Variants in FRMPD4 observed in about 807,000 individuals in gnomAD.
FRMPD4 encodes the protein FERM and PDZ domain-containing protein 4.
FRMPD4 carries 22 observed loss-of-function variants against 94.1 expected under a neutral mutation model. The observed-to-expected ratio is 0.23, with a 90% confidence interval of 0.17 to 0.33. The LOEUF is 0.33. Among genes scored for constraint, FRMPD4 ranks in the 10% least tolerant of loss-of-function variants. The pLI is 1.00. For missense variants in FRMPD4, 1,111 were observed against 1,339.9 expected, an observed-to-expected ratio of 0.83 and a Z score of 2.67; for synonymous variants, 631 against 548.6, an observed-to-expected ratio of 1.15 and a Z score of -2.10.
chrX:12,067,879 G>T (rs778166270), intron 3 of FRMPD4, among the ~76,000 whole-genome samples: 17 of 111,866 alleles, frequency 1.5e-4, no homozygotes, highest in African/African-American at 5.5e-4. Context: ...CTGCAGAGGT[G>T]TTCATGTCCT....
intron 1 of FRMPD4, among the ~76,000 whole-genome samples, chrX:12,305,724 A>ATTTT (rs1264959011): frequency 2.3e-5 from 1 of 44,241 alleles, no homozygotes; most frequent in African/African-American, 1.3e-4. Flanking sequence ...CAGCTGGCTA[A>ATTTT]GTTTTTTTTT....
chrX:12,449,672 A>G (rs772083257), intron 1 of FRMPD4, among the ~76,000 whole-genome samples: 2 of 111,582 alleles, frequency 1.8e-5, no homozygotes, highest in African/African-American at 3.3e-5. Context: ...TTTATGTTTC[A>G]CTACTCATGA....
At chrX:12,509,038 A>G (rs1356257919) in intron 2 of FRMPD4, among the ~76,000 whole-genome samples, 1 of 108,151 alleles carries the variant, frequency 9.2e-6, no homozygotes, top group Non-Finnish European at 1.9e-5. Context: ...TTAGTGGGAT[A>G]CACCTTACTC....
chrX:11,851,058 G>T (rs2053618937), intron 1 of FRMPD4, among the ~76,000 whole-genome samples: 1 of 111,652 alleles, frequency 9.0e-6, no homozygotes, highest in African/African-American at 3.3e-5. Flanking sequence ...GACTTACCCT[G>T]CCCCGGTTGA....
chrX:12,468,916 A>G (rs1466636427), intron 1 of FRMPD4, among the ~76,000 whole-genome samples: 1 of 112,490 alleles, frequency 8.9e-6, no homozygotes, highest in East Asian at 2.8e-4. Context: ...TACAGGGCAC[A>G]TTGGATGTGA....
At chrX:12,168,615 A>G (rs927520380) in intron 1 of FRMPD4, among the ~76,000 whole-genome samples, 2 of 99,631 alleles carry the variant, frequency 2.0e-5, no homozygotes, top group South Asian at 4.8e-4. Flanking sequence ...TCTTAAAGAC[A>G]CTGACCCTTT....
intron 1 of FRMPD4, among the ~76,000 whole-genome samples, chrX:12,152,008 G>T (rs1308587602): frequency 9.0e-6 from 1 of 111,463 alleles, no homozygotes; most frequent in Non-Finnish European, 1.9e-5. Context: ...AAAATTGTGG[G>T]CATTCTAGTT....
At chrX:12,669,212 T>G (rs907627283) in intron 4 of FRMPD4, among the ~76,000 whole-genome samples, 10 of 111,588 alleles carry the variant, frequency 9.0e-5, no homozygotes, top group Non-Finnish European at 1.9e-4. Flanking sequence ...GAGATCCACA[T>G]GGCAAGGAAC....
At chrX:12,059,004 AT>A (rs3038292) in intron 3 of FRMPD4, among the ~76,000 whole-genome samples, 42,022 of 110,141 alleles carry the variant, frequency 0.38, 5,980 homozygotes, top group East Asian at 0.58. Context: ...ATTCTATGTC[AT>A]TTTTTTACAC....
rs2054639352 is a variant in FRMPD4, at chrX:12,022,886, A to G, written c.95+144868A>G. On this transcript the variant is annotated intron_variant, in intron 3 of 18. Coordinates refer to the FRMPD4 transcript ENST00000640291. The stretch of plus-strand genomic sequence containing the variant: ...CCAATCCTCCCTCTTTCCCCCTACC[A>G]CACTCAGTCTTGCTGCCACTATCGA... Among the ~76,000 whole-genome samples, 2 of 110,906 alleles carry G rather than the reference A, an allele frequency of 1.8e-5. 1 individual carries two copies. Among genetic ancestry groups the G allele is most frequent in the Admixed American group, 1.9e-4 (2 of 10,445 alleles).
chrX:12,419,132 G>A (rs1200580797), intron 1 of FRMPD4, among the ~76,000 whole-genome samples: 1 of 111,767 alleles, frequency 8.9e-6, no homozygotes, highest in African/African-American at 3.3e-5. Context: ...TGCAGGGAAA[G>A]TAGAATCTAC....
chrX:12,582,947 T>C (rs1368523226), intron 2 of FRMPD4, among the ~76,000 whole-genome samples: 1 of 112,179 alleles, frequency 8.9e-6, no homozygotes, highest in Non-Finnish European at 1.9e-5. Flanking sequence ...AAGTCACTCA[T>C]TGCTCTTCCT....
chrX:12,250,807 C>T (rs2054028490), intron 1 of FRMPD4, among the ~76,000 whole-genome samples: 2 of 111,064 alleles, frequency 1.8e-5, no homozygotes, highest in Non-Finnish European at 3.8e-5. Context: ...AATACCCCCA[C>T]TTAGAGCTCC....
intron 3 of FRMPD4, among the ~76,000 whole-genome samples, chrX:11,909,657 A>G (rs1439786610): frequency 9.1e-6 from 1 of 109,787 alleles, no homozygotes; most frequent in Non-Finnish European, 1.9e-5. Context: ...TTTTTAGTAT[A>G]TTCATTAATG....
chrX:12,663,103 C>T (rs931224713), intron 4 of FRMPD4, among the ~76,000 whole-genome samples: 1 of 112,080 alleles, frequency 8.9e-6, no homozygotes, highest in Non-Finnish European at 1.9e-5. Context: ...TGGATATTAG[C>T]GCTTTGTCAG....
chrX:12,161,455 A>G (rs1216375243), intron 1 of FRMPD4, among the ~76,000 whole-genome samples: 1 of 112,272 alleles, frequency 8.9e-6, no homozygotes, highest in Non-Finnish European at 1.9e-5. Context: ...CACTGCACCC[A>G]GCCTGTCCCA....
intron 3 of FRMPD4, among the ~76,000 whole-genome samples, chrX:11,891,453 C>T (rs983378066): frequency 8.9e-6 from 1 of 112,293 alleles, no homozygotes; most frequent in African/African-American, 3.2e-5. Context: ...ACCCAGAAGC[C>T]GAGGGGAGAG....
At chrX:12,014,581 G>A (rs1353723794) in intron 3 of FRMPD4, among the ~76,000 whole-genome samples, 2 of 111,559 alleles carry the variant, frequency 1.8e-5, no homozygotes, top group Admixed American at 1.9e-4. Context: ...TGGGAAGCAA[G>A]CAAGCAAGAA....
At chrX:12,579,503 T>C (rs186797790) in intron 2 of FRMPD4, among the ~76,000 whole-genome samples, 4 of 112,179 alleles carry the variant, frequency 3.6e-5, no homozygotes, top group Admixed American at 1.9e-4. Flanking sequence ...TCTAAATCCT[T>C]GTGGTCCCCC....
Sources: allele counts gnomAD v4.1 joint callset (sites outside exome capture counted in the v4.1 genomes callset), GRCh38; gene constraint gnomAD v4.1.1; transcripts MANE v1.5; gene names NCBI Gene and HGNC (gene_info 2026-07-23, HGNC 2026-07-21).